Variants in GABBR2 observed in about 807,000 individuals in gnomAD.
GABBR2 encodes gamma-aminobutyric acid type B receptor subunit 2, also known as G-protein coupled receptor 51.
Under a neutral mutation model 105.6 loss-of-function variants are expected in GABBR2, and 23 were observed. The observed-to-expected ratio is 0.22, with a 90% CI of 0.16 to 0.31. The LOEUF (loss-of-function observed/expected upper bound fraction) is 0.31. GABBR2 is among the 10% of genes least tolerant of loss of function. The pLI is 1.00. For synonymous variants in GABBR2, 478 were observed against 499.7 expected, an observed-to-expected ratio of 0.96 and a Z score of 0.58; for missense variants, 734 against 1,245.5, an observed-to-expected ratio of 0.59 and a Z score of 6.18.
rs564319315 is a variant in GABBR2 at position 98,326,144 on chromosome 9, G to C, written c.1894-14939C>G. On this transcript the variant is annotated intron_variant, in intron 13 of 18. Coordinates refer to ENST00000259455, the MANE Select transcript of GABBR2 (RefSeq NM_005458.8). The stretch of plus-strand genomic sequence containing the variant: ...AAGGGAGTGGCCAATCCAAAGGAAA[G>C]ATGGGGCCGGGGGAATAAGAACAGG... Among the ~76,000 whole-genome samples, 135 of 152,336 alleles carry C rather than the reference G, an allele frequency of 8.9e-4. 2 individuals carry two copies. Among genetic ancestry groups the C allele is most frequent in the Admixed American group, 2.2e-3 (33 of 15,304 alleles).
chr9:98,313,745 A>G (rs1034484443), intron 13 of GABBR2, among the ~76,000 whole-genome samples: 10 of 141,832 alleles, frequency 7.1e-5, no homozygotes, highest in African/African-American at 2.2e-4. Flanking sequence ...GGGCATCCCC[A>G]GGGTCAATCA....
rs201591964 is a variant in GABBR2, at chr9:98,306,012, T to TAA, written c.2229+107_2229+108dup. 3,830 of 559,274 alleles carry TAA rather than the reference T, an allele frequency of 6.8e-3. 83 individuals are homozygous for TAA. The highest frequency in any genetic ancestry group is 0.065 in the African/African-American group (3,287 of 50,320). The allele number at this position is 559,274 out of a possible 1,614,324, so 34.6% of individuals were successfully genotyped here. ...TCTATAATGTGAATTGTCTTCATCA[T>TAA]AAAAAAAAAAAGGAATGGGTAAACC... On this transcript the variant is annotated intron_variant, in intron 15 of 18. Coordinates refer to ENST00000259455, the MANE Select transcript of GABBR2 (RefSeq NM_005458.8). This position sits in a 1 kb window ranked among gnomAD's most constrained non-coding sequence, Gnocchi z 5.4.
At chr9:98,589,761 C>G (rs1307531721) in intron 1 of GABBR2, among the ~76,000 whole-genome samples, 1 of 145,638 alleles carries the variant, frequency 6.9e-6, no homozygotes, top group African/African-American at 2.5e-5. Flanking sequence ...GTCACTGAAG[C>G]TGGAGTGCAG....
intron 1 of GABBR2, among the ~76,000 whole-genome samples, chr9:98,647,417 G>A (rs149589898): frequency 9.2e-5 from 14 of 152,354 alleles, no homozygotes; most frequent in African/African-American, 2.4e-4. Flanking sequence ...GGTGGCTGCC[G>A]GAGAAGATGT....
intron 7 of GABBR2, among the ~76,000 whole-genome samples, chr9:98,426,380 G>C (rs1311175091): frequency 3.9e-5 from 6 of 152,238 alleles, no homozygotes; most frequent in African/African-American, 1.4e-4. Flanking sequence ...GTGTGAGCCT[G>C]CATCTGCCAG....
chr9:98,701,367 G>A (rs1485933507), intron 1 of GABBR2, among the ~76,000 whole-genome samples: 1 of 152,184 alleles, frequency 6.6e-6, no homozygotes, highest in Non-Finnish European at 1.5e-5. Context: ...AATTTCTGGG[G>A]CGCTCATATT....
intron 9 of GABBR2, among the ~76,000 whole-genome samples, chr9:98,392,256 G>A (rs889790772): frequency 9.2e-5 from 14 of 152,174 alleles, no homozygotes; most frequent in Middle Eastern, 3.2e-3. Flanking sequence ...CACCAAATTC[G>A]TGTTTTTCCT....
chr9:98,450,134 A>G (rs1826206701), intron 7 of GABBR2, among the ~76,000 whole-genome samples: 1 of 152,216 alleles, frequency 6.6e-6, no homozygotes, highest in South Asian at 2.1e-4. Context: ...ACGATTTCCC[A>G]TATAGTAAAC....
intron 1 of GABBR2, among the ~76,000 whole-genome samples, chr9:98,585,693 G>GA (rs1564122622): frequency 1.0e-5 from 1 of 99,314 alleles, no homozygotes; most frequent in East Asian, 2.1e-4. Flanking sequence ...CTAAGAACTT[G>GA]ATGTCAAGGA....
intron 1 of GABBR2, among the ~76,000 whole-genome samples, chr9:98,635,077 C>T (rs1334693042): frequency 6.6e-6 from 1 of 152,206 alleles, no homozygotes; most frequent in Non-Finnish European, 1.5e-5. Flanking sequence ...AGTCCCAGTT[C>T]CTTTAAGGAA....
intron 13 of GABBR2, among the ~76,000 whole-genome samples, chr9:98,329,948 C>T (rs1830994676): frequency 6.6e-6 from 1 of 152,056 alleles, no homozygotes; most frequent in African/African-American, 2.4e-5. Flanking sequence ...CATGACACTT[C>T]AGCATGAATG....
At chr9:98,328,016 T>C (rs933230097) in intron 13 of GABBR2, among the ~76,000 whole-genome samples, 1 of 92,792 alleles carries the variant, frequency 1.1e-5, no homozygotes, top group Non-Finnish European at 2.4e-5. Context: ...CCCTTTTATT[T>C]TGGGACAGCT....
chr9:98,459,139 A>G (rs1826379132), intron 6 of GABBR2, among the ~76,000 whole-genome samples: 1 of 152,264 alleles, frequency 6.6e-6, no homozygotes, highest in Non-Finnish European at 1.5e-5. Flanking sequence ...AGCCAAAGAC[A>G]GGGAGATGCC....
At chr9:98,498,808 T>C (rs921594125) in intron 3 of GABBR2, among the ~76,000 whole-genome samples, 2 of 152,242 alleles carry the variant, frequency 1.3e-5, no homozygotes, top group African/African-American at 4.8e-5. Flanking sequence ...ATTTCTGCTG[T>C]CTCAAATCCT....
chr9:98,410,511 T>TTTTTA (rs1832569123), intron 7 of GABBR2, among the ~76,000 whole-genome samples: 1 of 150,816 alleles, frequency 6.6e-6, no homozygotes, highest in Non-Finnish European at 1.5e-5. Context: ...AAAGCTTTTT[T>TTTTTA]TTTTTTTTTT....
intron 7 of GABBR2, among the ~76,000 whole-genome samples, chr9:98,430,831 C>A (rs941072069): frequency 6.6e-6 from 1 of 151,958 alleles, no homozygotes; most frequent in African/African-American, 2.4e-5. Context: ...GTCATCTGGG[C>A]GATTGTAAGA....
intron 1 of GABBR2, among the ~76,000 whole-genome samples, chr9:98,593,128 G>T (rs1411852520): frequency 6.6e-6 from 1 of 152,116 alleles, no homozygotes; most frequent in African/African-American, 2.4e-5. Flanking sequence ...TTACAGGCGT[G>T]AGCCACCATG....
chr9:98,422,625 T>A (rs1206878148), intron 7 of GABBR2, among the ~76,000 whole-genome samples: 2 of 152,046 alleles, frequency 1.3e-5, no homozygotes, highest in Admixed American at 6.6e-5. Context: ...GCTTTTTTTT[T>A]AACTATTAAA....
At chr9:98,652,282 C>T (rs969037865) in intron 1 of GABBR2, among the ~76,000 whole-genome samples, 1 of 152,292 alleles carries the variant, frequency 6.6e-6, no homozygotes, top group Non-Finnish European at 1.5e-5. Context: ...TGGACCTTCC[C>T]TCCCAGCCCC....
Sources: gnomAD v4.1 joint callset for allele counts (sites outside exome capture counted in the v4.1 genomes callset) on GRCh38, gnomAD v4.1.1 for gene constraint, Gnocchi (gnomAD v3.1) non-coding constraint, MANE v1.5 for transcripts, NCBI Gene and HGNC (gene_info 2026-07-23, HGNC 2026-07-21) for gene names.